ADGRD2: variants seen among roughly 807,000 people sequenced by gnomAD.
The protein encoded by ADGRD2 is adhesion G protein-coupled receptor D2, also known as G protein-coupled receptor PGR24.
Under a neutral mutation model 44.4 loss-of-function variants are expected in ADGRD2, and 71 were observed. The ratio of observed to expected loss-of-function variants is 1.60; its 90% CI spans 1.32 to 1.95. ADGRD2 has a LOEUF of 1.95. ADGRD2 is among the 30% of genes most tolerant of loss of function. The pLI is 0.00. For synonymous variants in ADGRD2, 481 were observed against 224.8 expected (o/e 2.14, Z -10.19); for missense variants, 1,039 against 512.4 (o/e 2.03, Z -9.92).
Position 124,473,922 on chromosome 9 carries a change from AAAT to A in ADGRD2, c.2759-1523_2759-1521del, listed in dbSNP as rs374858937. Among the ~76,000 whole-genome samples, 438 of 151,950 alleles carry A rather than the reference AAAT, an allele frequency of 2.9e-3. 7 individuals carry two copies. The highest frequency in any genetic ancestry group is 9.9e-3 in the African/African-American group (412 of 41,410). ...AGACATGAGGGGTAAGGCTGGCGAG[AAAT>A]GGGGCAGGAGGGAGTGTGGGGGGCA... is the stretch of plus-strand genomic sequence containing the variant. On this transcript the variant is annotated intron_variant, in intron 17 of 21. Transcript: ENST00000334810.
exon 3 of ADGRD2, chr9:124,453,279 G>A (rs1242930207): frequency 1.4e-5 from 7 of 495,692 alleles, no homozygotes; most frequent in East Asian, 3.6e-5. Context: ...TGCGTGGGCA[G>A]CACGCGCCCT....
rs556395411 is a variant in ADGRD2, at chr9:124,456,760, G to A, written c.1505+27G>A. ...TGAGCCTGCACCCACCTGCCCACACGGCTGGACTCAGACCTCCCTCCTCAG... is the reference window on the plus strand; with the variant it reads ...TGAGCCTGCACCCACCTGCCCACACAGCTGGACTCAGACCTCCCTCCTCAG... On this transcript the variant is annotated intron_variant, in intron 7 of 21. Coordinates refer to ENST00000334810, the Ensembl canonical transcript of ADGRD2. 89 of 704,646 alleles carry A rather than the reference G, an allele frequency of 1.3e-4. 1 individual carries two copies. The highest frequency in any genetic ancestry group is 8.4e-4 in the South Asian group (57 of 67,566). The allele number at this position is 704,646 out of a possible 1,614,324, so 43.6% of individuals were successfully genotyped here. A position where few individuals can be genotyped will look rare whatever the true frequency, so the allele number is the denominator to read the frequency against.
At position 124,452,114 on chromosome 9, in the gene ADGRD2, C is replaced by CT; in HGVS notation, c.25dup (p.Pro10SerfsTer59). 2.8e-6 allele frequency: 2 copies of CT among 717,818 alleles called. No homozygotes were observed. The highest frequency in any genetic ancestry group is 5.2e-6 in the Non-Finnish European group (2 of 384,780). 44.5% of individuals were successfully genotyped at this position (717,818 alleles called of 1,614,324 possible). On this transcript the variant is annotated frameshift_variant, in exon 1 of 22. Coordinates refer to ENST00000334810, the Ensembl canonical transcript of ADGRD2. LOFTEE classifies it high-confidence loss of function. ...AGATCAGGAGTCTCTCTGGGACCCC[C>CT]TCCAACTCCCCAGGTGAATCAAGGA... is the stretch of plus-strand genomic sequence containing the variant.
At chr9:124,453,668 T>A (rs908267203) in exon 3 of ADGRD2, 1 of 700,194 alleles carries the variant, frequency 1.4e-6, no homozygotes, top group South Asian at 1.5e-5. Flanking sequence ...GTGCGCCTTC[T>A]CTGTCCCGGT....
At chr9:124,460,194 G>A (rs930970896) in intron 10 of ADGRD2, among the ~76,000 whole-genome samples, 4 of 147,092 alleles carry the variant, frequency 2.7e-5, no homozygotes, top group South Asian at 2.1e-4. Flanking sequence ...AAGCGTCCAC[G>A]CTCTGATTTT....
chr9:124,473,469 G>A (rs1463572620), intron 17 of ADGRD2, among the ~76,000 whole-genome samples: 5 of 152,204 alleles, frequency 3.3e-5, no homozygotes, highest in East Asian at 1.9e-4. Context: ...TGGGATCATC[G>A]TGGAGTTCAG....
intron 10 of ADGRD2, among the ~76,000 whole-genome samples, chr9:124,460,623 A>C (rs1476486226): frequency 6.6e-6 from 1 of 151,554 alleles, no homozygotes; most frequent in Non-Finnish European, 1.5e-5. Flanking sequence ...ATGTTGTTGC[A>C]CATTTCAATA....
Position 124,469,418 on chromosome 9 carries a change from C to T in ADGRD2, c.2522-14C>T. 2 of 718,182 alleles carry T rather than the reference C, an allele frequency of 2.8e-6. No homozygotes were observed. Among genetic ancestry groups the T allele is most frequent in the Non-Finnish European group, 5.2e-6 (2 of 385,074 alleles). The allele number at this position is 718,182 out of a possible 1,614,324, so 44.5% of individuals were successfully genotyped here. On this transcript the variant is annotated splice_polypyrimidine_tract_variant and intron_variant, in intron 15 of 21. Transcript: ENST00000334810. ...ATGGGGAAGTCCTCTTGCCCACTGA[C>T]CCCAGGTCTCCAGGCCAACACCTGC...
chr9:124,469,238 C>T lies in ADGRD2; in HGVS notation c.2406C>T (p.Ile802=), dbSNP rs149629740. The change falls in exon 15 of 22, where the codon ATC becomes ATT. Residue 802 remains isoleucine (I), a synonymous_variant. Transcript: ENST00000334810. ...CTCTCCCAGGCGTGCCTGTGGGCAT[C>T]GTGGCGGTCACCCTGGCCATGCTCC... 1,754 of 715,450 alleles carry T rather than the reference C, an allele frequency of 2.5e-3. 14 individuals carry two copies. In the African/African-American group the frequency reaches 0.025, roughly 10 times the overall value. 44.3% of individuals were successfully genotyped at this position (715,450 alleles called of 1,614,324 possible).
At chr9:124,462,634 C>T (rs933788842) in intron 10 of ADGRD2, among the ~76,000 whole-genome samples, 1 of 71,602 alleles carries the variant, frequency 1.4e-5, no homozygotes, top group Non-Finnish European at 2.4e-5. Flanking sequence ...TAAATATATG[C>T]CTAAGTATTA....
In ADGRD2 at chr9:124,469,300, A is replaced by G. The variant is rs7030262; in HGVS notation, c.2468A>G (p.Asn823Ser). ...GTGGCCCCCGGACATTGCTGGCTCA[A>G]TGTGCACACAAATGCCATCTGGGCC... The change falls in exon 15 of 22, where the codon AAT becomes AGT. Residue 823 changes from asparagine to serine, a missense_variant. Transcript: ENST00000334810. 5.2e-3 allele frequency: 3,747 copies of G among 718,246 alleles called. 104 individuals are homozygous for G. The African/African-American group carries it at 0.057, about 11-fold the overall frequency. The allele number at this position is 718,246 out of a possible 1,614,324, so 44.5% of individuals were successfully genotyped here. A position where few individuals can be genotyped will look rare whatever the true frequency, so the allele number is the denominator to read the frequency against.
chr9:124,455,667 GCCTCCA>G (rs1429926590), intron 6 of ADGRD2, among the ~76,000 whole-genome samples: 1 of 152,112 alleles, frequency 6.6e-6, no homozygotes, highest in African/African-American at 2.4e-5. Context: ...GTCAGTAAGA[GCCTCCA>G]CCATCTCCAA....
At chr9:124,474,608 A>G (rs1041642328) in intron 17 of ADGRD2, among the ~76,000 whole-genome samples, 2 of 152,042 alleles carry the variant, frequency 1.3e-5, no homozygotes, top group Non-Finnish European at 2.9e-5. Context: ...GGCCCCAAGG[A>G]ATTCCAGGCC....
chr9:124,458,359 G>C (rs542313530), intron 9 of ADGRD2, 123 bp downstream of exon 12: 8 of 632,130 alleles, frequency 1.3e-5, no homozygotes, highest in Middle Eastern at 4.1e-4. Context: ...TCCCACCCCT[G>C]CCCAACACAC....
exon 2 of ADGRD2, chr9:124,452,524 G>A (rs1831502599): frequency 2.8e-6 from 2 of 718,430 alleles, no homozygotes; most frequent in East Asian, 2.7e-5. Flanking sequence ...CGTGGCCGCC[G>A]GCGAGGTGGT....
Position 124,469,318 on chromosome 9 carries a change from T to C in ADGRD2, c.2486T>C (p.Ile829Thr), listed in dbSNP as rs748127656. 4.2e-6 allele frequency: 3 copies of C among 718,180 alleles called. No individual in the cohort carries two copies. In the African/African-American group the frequency reaches 5.2e-5, roughly 13 times the overall value. The allele number at this position is 718,180 out of a possible 1,614,324, so 44.5% of individuals were successfully genotyped here. Reference sequence around the variant, plus strand: ...TGGCTCAATGTGCACACAAATGCCATCTGGGCCTTCGTGGGGCCTGTGCTC... The same window carrying C: ...TGGCTCAATGTGCACACAAATGCCACCTGGGCCTTCGTGGGGCCTGTGCTC... The change falls in exon 15 of 22, where the codon ATC becomes ACC. Residue 829 changes from isoleucine to threonine, a missense_variant. Transcript: ENST00000334810.
chr9:124,460,716 A>T (rs186472083), intron 10 of ADGRD2, among the ~76,000 whole-genome samples: 1 of 151,900 alleles, frequency 6.6e-6, no homozygotes, highest in Non-Finnish European at 1.5e-5. Flanking sequence ...GCTGACAGAG[A>T]TTTGACTTGT....
exon 10 of ADGRD2, chr9:124,458,685 C>G: frequency 1.4e-6 from 1 of 718,664 alleles, no homozygotes; most frequent in South Asian, 1.5e-5. Context: ...GAGAGGTCAA[C>G]GTGGCCATGA....
In ADGRD2 at chr9:124,454,228, G is replaced by A. The variant is rs1831569425; in HGVS notation, c.1022+131G>A. On this transcript the variant is annotated intron_variant, in intron 4 of 21. Transcript: ENST00000334810. This position sits in a 1 kb window ranked among gnomAD's most constrained non-coding sequence, Gnocchi z 4.5. ...AACTCAGAGCTTCAAGGTCTCCATG[G>A]AGTCTAGGCCACAGAGCAGTGGGTC... is the stretch of plus-strand genomic sequence containing the variant. 2 of 598,256 alleles carry A rather than the reference G, an allele frequency of 3.3e-6. No individual in the cohort carries two copies. The highest frequency in any genetic ancestry group is 3.0e-6 in the Non-Finnish European group (1 of 333,364). 37.1% of individuals were successfully genotyped at this position (598,256 alleles called of 1,614,324 possible). A position where few individuals can be genotyped will look rare whatever the true frequency, so the allele number is the denominator to read the frequency against.
Sources: allele counts gnomAD v4.1 joint callset (sites outside exome capture counted in the v4.1 genomes callset), GRCh38; gene constraint gnomAD v4.1.1; non-coding constraint Gnocchi (gnomAD v3.1); transcripts MANE v1.5; gene names NCBI Gene and HGNC (gene_info 2026-07-23, HGNC 2026-07-21).